HELB: variants seen among roughly 807,000 people sequenced by gnomAD.
HELB encodes the protein DNA 5'-3' helicase B.
Under a neutral mutation model 101.7 loss-of-function variants are expected in HELB, and 96 were observed. That is an observed-to-expected ratio of 0.94 (90% CI 0.80 to 1.12). HELB has a LOEUF of 1.12. HELB is among the 50% of genes most tolerant of loss of function. The pLI, the probability that HELB is intolerant of heterozygous loss-of-function variation, is 0.00. For synonymous variants in HELB, 437 were observed against 459.7 expected (o/e 0.95, Z 0.63); for missense variants, 1,210 against 1,291.9 (o/e 0.94, Z 0.97).
intron 4 of HELB, among the ~76,000 whole-genome samples, chr12:66,313,371 A>G (rs1464598566): frequency 6.6e-6 from 1 of 152,168 alleles, no homozygotes; most frequent in African/African-American, 2.4e-5. Flanking sequence ...CAACCTATAA[A>G]TGTTCATACT....
intron 12 of HELB, among the ~76,000 whole-genome samples, chr12:66,336,857 G>T (rs180945713): frequency 6.6e-6 from 1 of 152,178 alleles, no homozygotes; most frequent in African/African-American, 2.4e-5. Context: ...AGCATTTTAA[G>T]TACTCTGTGA....
intron 7 of HELB, among the ~76,000 whole-genome samples, chr12:66,320,953 A>T (rs1238180682): frequency 1.3e-5 from 2 of 152,326 alleles, no homozygotes; most frequent in East Asian, 3.9e-4. Context: ...CATCCTGTAC[A>T]TGTTAAAAAG....
At position 66,331,665 on chromosome 12, in the gene HELB, G is replaced by A. The variant is rs766199486; in HGVS notation, c.3162+20G>A. 1.5e-5 allele frequency: 24 copies of A among 1,571,348 alleles called. No homozygotes were observed. Among genetic ancestry groups the A allele is most frequent in the Non-Finnish European group, 1.8e-5 (21 of 1,165,506 alleles). On this transcript the variant is annotated intron_variant, in intron 12 of 12. Coordinates refer to ENST00000247815, the MANE Select transcript of HELB (RefSeq NM_001370285.1). Reference sequence around the variant, plus strand: ...TTTATGGTAGGAGTGATGTTTCCATGTTCCCAAGTTTTATTTAAATATCGC... The same window carrying A: ...TTTATGGTAGGAGTGATGTTTCCATATTCCCAAGTTTTATTTAAATATCGC...
At chr12:66,340,240 G>A (rs2137023920), downstream of HELB, 1 of 152,310 alleles carries the variant, frequency 6.6e-6, no homozygotes, top group African/African-American at 2.4e-5. Flanking sequence ...CACCAGCAGT[G>A]TATGAGAGTT....
At chr12:66,331,725 T>C in intron 12 of HELB, 80 bp downstream of exon 12, 1 of 1,312,920 alleles carries the variant, frequency 7.6e-7, no homozygotes, top group Non-Finnish European at 1.0e-6. Context: ...CTGTGTGCTT[T>C]TATTAGTGTT....
At chr12:66,322,862 G>C in intron 9 of HELB, 79 bp downstream of exon 9, 1 of 895,142 alleles carries the variant, frequency 1.1e-6, no homozygotes, top group Non-Finnish European at 1.8e-6. Flanking sequence ...TTTGATGTTT[G>C]TCACCTATTT....
intron 4 of HELB, 104 bp from the exon 5 acceptor site, chr12:66,313,882 C>A: frequency 2.1e-6 from 2 of 931,782 alleles, no homozygotes; most frequent in Non-Finnish European, 3.5e-6. Context: ...ACTTCCCACC[C>A]ACCCCTGCCA....
intron 12 of HELB, among the ~76,000 whole-genome samples, chr12:66,334,471 GAAA>G (rs34530283): frequency 2.7e-5 from 3 of 109,530 alleles, no homozygotes; most frequent in African/African-American, 1.0e-4. Flanking sequence ...CAAAAAAAAA[GAAA>G]AAAAAAAAAA....
chr12:66,335,047 T>C (rs2053851906), intron 12 of HELB, among the ~76,000 whole-genome samples: 2 of 152,014 alleles, frequency 1.3e-5, no homozygotes, highest in Non-Finnish European at 2.9e-5. Context: ...CTAAAGCAAT[T>C]TGGGGAATAG....
intron 12 of HELB, among the ~76,000 whole-genome samples, chr12:66,335,699 G>A (rs967349100): frequency 8.5e-5 from 13 of 152,188 alleles, no homozygotes; most frequent in South Asian, 2.1e-4. Context: ...GAGTCCTGAC[G>A]TGGGTAAGAT....
chr12:66,304,794 G>C lies in HELB; in HGVS notation c.251G>C (p.Gly84Ala). Reference protein sequence around the residue: ...CKVFGRFPITGAWWRVKVQVK... With the variant: ...CKVFGRFPITAAWWRVKVQVK... ...GTGTTTGGACGTTTTCCGATAACAGGTGCTTGGTGGAGAGTGAAGGTACAA... is the reference window on the plus strand; with the variant it reads ...GTGTTTGGACGTTTTCCGATAACAGCTGCTTGGTGGAGAGTGAAGGTACAA... Residue 84 changes from glycine (G) to alanine (A), a missense_variant, in exon 2 of 13, where the codon GGT becomes GCT. Around this residue, in one of 2 missense-constraint regions of HELB, gnomAD observed 470 missense variants for 563.1 expected, o/e 0.83. Transcript: ENST00000247815. 1 of 1,614,036 alleles carries C rather than the reference G, an allele frequency of 6.2e-7. No homozygotes were observed. The highest frequency in any genetic ancestry group is 1.3e-5 in the African/African-American group (1 of 75,012).
chr12:66,322,452 C>T (rs1030981319), intron 8 of HELB, among the ~76,000 whole-genome samples: 1 of 151,106 alleles, frequency 6.6e-6, no homozygotes, highest in Non-Finnish European at 1.5e-5. Context: ...GTAATCCCAG[C>T]TACTTGGGAG....
intron 12 of HELB, among the ~76,000 whole-genome samples, chr12:66,332,356 T>C (rs2053819935): frequency 6.6e-6 from 1 of 152,232 alleles, no homozygotes; most frequent in Non-Finnish European, 1.5e-5. Context: ...TCCATGGTTT[T>C]GCTTTCCAAG....
intron 7 of HELB, among the ~76,000 whole-genome samples, chr12:66,321,197 C>T (rs539127752): frequency 2.0e-5 from 3 of 152,284 alleles, no homozygotes; most frequent in African/African-American, 7.2e-5. Flanking sequence ...AATGCTTGTA[C>T]TTCCATGAGC....
intron 11 of HELB, among the ~76,000 whole-genome samples, chr12:66,329,540 G>A (rs1354775709): frequency 6.6e-6 from 1 of 152,132 alleles, no homozygotes; most frequent in Non-Finnish European, 1.5e-5. Context: ...GAGGAGCAGG[G>A]CCAAGCTGGC....
chr12:66,333,362 G>T (rs2053830257), intron 12 of HELB, among the ~76,000 whole-genome samples: 1 of 152,128 alleles, frequency 6.6e-6, no homozygotes, highest in Admixed American at 6.5e-5. Flanking sequence ...ATAATGCAAA[G>T]CCTGGAAAGG....
chr12:66,311,641 T>A (rs901586749), intron 4 of HELB, among the ~76,000 whole-genome samples: 1 of 152,172 alleles, frequency 6.6e-6, no homozygotes, highest in Non-Finnish European at 1.5e-5. Flanking sequence ...AGGATGAAAG[T>A]GAGGACTTTG....
At position 66,318,624 on chromosome 12, in the gene HELB, TATCTTTATTCAAGA is replaced by T. The variant is rs778990953; in HGVS notation, c.2001-9_2005del. 6.3e-7 allele frequency: 1 copy of T among 1,591,950 alleles called. No homozygotes were observed. Among genetic ancestry groups the T allele is most frequent in the East Asian group, 2.3e-5 (1 of 44,400 alleles). ...GATAATGTTCTTTGTGTGTGTGTGT[TATCTTTATTCAAGA>T]ATCTCAAGACGCCAATTTCCAAAAT... is the stretch of plus-strand genomic sequence containing the variant. On this transcript the variant is annotated splice_acceptor_variant and splice_polypyrimidine_tract_variant and coding_sequence_variant and intron_variant, in exon 7 of 13. Coordinates refer to ENST00000247815, the MANE Select transcript of HELB (RefSeq NM_001370285.1). LOFTEE classifies it high-confidence loss of function.
rs563645199 is a variant in HELB, at chr12:66,334,827, C to T, written c.3163-3174C>T. 2.6e-5 allele frequency among the ~76,000 whole-genome samples: 4 copies of T among 152,210 alleles called. No individual in the cohort carries two copies. In the East Asian group the frequency reaches 7.7e-4, roughly 29 times the overall value. ...CATACATACAAAATAAACAATCCCT[C>T]TGGCTTCTGTGGAGAGGGAACTGTG... On this transcript the variant is annotated intron_variant, in intron 12 of 12. Transcript: ENST00000247815.
Sources: allele counts gnomAD v4.1 joint callset (sites outside exome capture counted in the v4.1 genomes callset), GRCh38; gene constraint gnomAD v4.1.1; regional missense constraint gnomAD v4.1.1; transcripts MANE v1.5; gene names NCBI Gene and HGNC (gene_info 2026-07-23, HGNC 2026-07-21).